PTPRZ1: variants seen among roughly 807,000 people sequenced by gnomAD.
PTPRZ1 encodes receptor-type tyrosine-protein phosphatase zeta.
A neutral mutation model predicts 214.1 loss-of-function variants in PTPRZ1; 82 were observed. The ratio of observed to expected loss-of-function variants is 0.38; its 90% confidence interval spans 0.32 to 0.46. PTPRZ1 has a LOEUF of 0.46. PTPRZ1 is among the 20% of genes least tolerant of loss of function. The pLI is 1.00. For synonymous variants in PTPRZ1, 945 were observed against 987.9 expected (o/e 0.96, Z 0.81); for missense variants, 2,603 against 2,748.7 (o/e 0.95, Z 1.19).
At chr7:121,983,054 A>G (rs1797660626) in intron 6 of PTPRZ1, among the ~76,000 whole-genome samples, 1 of 152,122 alleles carries the variant, frequency 6.6e-6, no homozygotes. Context: ...GTGAGCCACC[A>G]CGCCCGGCCT....
At position 122,034,082 on chromosome 7, in the gene PTPRZ1, A is replaced by T. The variant is rs1799464737; in HGVS notation, c.5167-13A>T. ...TGATTTCTTTACTTTTTTGGCATTC[A>T]TTCCCTCATTAGACACTGAAAGAGT... On this transcript the variant is annotated splice_polypyrimidine_tract_variant and intron_variant, in intron 15 of 29. Transcript: ENST00000393386. 6.3e-7 allele frequency: 1 copy of T among 1,586,922 alleles called. No individual in the cohort carries two copies. The highest frequency in any genetic ancestry group is 8.6e-7 in the Non-Finnish European group (1 of 1,157,148).
chr7:121,967,162 C>T (rs967497164), intron 2 of PTPRZ1: 1 of 152,198 alleles, frequency 6.6e-6, no homozygotes, highest in Admixed American at 6.5e-5. Flanking sequence ...ATAAAGGCAA[C>T]AAAGGGCAGT....
At chr7:121,878,437 ATTGT>A (rs1794129041) in intron 1 of PTPRZ1, among the ~76,000 whole-genome samples, 1 of 152,180 alleles carries the variant, frequency 6.6e-6, no homozygotes, top group African/African-American at 2.4e-5. Context: ...AGTCATTGAA[ATTGT>A]TTGAAGTGTT....
In PTPRZ1 at chr7:122,013,794, C is replaced by T. The variant is rs1798761169; in HGVS notation, c.4748C>T (p.Ala1583Val). 1.2e-6 allele frequency: 2 copies of T among 1,614,084 alleles called. No homozygotes were observed. Among genetic ancestry groups the T allele is most frequent in the Non-Finnish European group, 1.7e-6 (2 of 1,179,946 alleles). ...GAAAAAGATGCTGATGGGATCCTGG[C>T]AGCAGGTGACTCAGAAATAACTCCT... ...TNEKDADGIL[A>V]AGDSEITPGF... The change falls in exon 12 of 30, where the codon GCA (alanine) becomes GTA (valine). Residue 1583 changes from alanine (A) to valine (V), a missense_variant. Physicochemically the swap from Ala to Val is moderately conservative, Grantham distance 64. Around this residue, in one of 6 missense-constraint regions of PTPRZ1, gnomAD observed 1,913 missense variants for 1,914.3 expected, o/e 1.00. Coordinates refer to ENST00000393386, the MANE Select transcript of PTPRZ1 (RefSeq NM_002851.3).
In PTPRZ1 at chr7:121,888,298, A is replaced by T. The variant is rs539023524; in HGVS notation, c.58+14741A>T. ...GACATTGTTTAGAGTATAGATGAAGACTCCCCAGTAAGACATGTAAAACAG... is the reference window on the plus strand; with the variant it reads ...GACATTGTTTAGAGTATAGATGAAGTCTCCCCAGTAAGACATGTAAAACAG... On this transcript the variant is annotated intron_variant, in intron 1 of 29. Coordinates refer to ENST00000393386, the MANE Select transcript of PTPRZ1 (RefSeq NM_002851.3). Among the ~76,000 whole-genome samples the T allele has an allele frequency of 9.2e-5, 14 of 151,678 alleles. No individual in the cohort carries two copies. In the South Asian group the frequency reaches 2.7e-3, roughly 29 times the overall value.
At chr7:121,948,273 A>G (rs1796446463) in intron 2 of PTPRZ1, among the ~76,000 whole-genome samples, 1 of 152,108 alleles carries the variant, frequency 6.6e-6, no homozygotes, top group African/African-American at 2.4e-5. Context: ...GAAAAAGACC[A>G]AAAAAAGCAA....
At chr7:122,016,766 A>G (rs1437019583) in intron 12 of PTPRZ1, among the ~76,000 whole-genome samples, 1 of 150,978 alleles carries the variant, frequency 6.6e-6, no homozygotes, top group African/African-American at 2.4e-5. Context: ...ATATGTAATT[A>G]TATATATATA....
intron 1 of PTPRZ1, among the ~76,000 whole-genome samples, chr7:121,908,117 G>A (rs1795169723): frequency 6.6e-6 from 1 of 152,068 alleles, no homozygotes; most frequent in Non-Finnish European, 1.5e-5. Context: ...AGAGGAAGAG[G>A]ATACCATGTT....
chr7:122,033,841 C>T, intron 15 of PTPRZ1: 1 of 465,562 alleles, frequency 2.1e-6, no homozygotes, highest in Non-Finnish European at 3.8e-6. Flanking sequence ...TTAAAATCAT[C>T]ATATTATGAC....
chr7:121,909,204 T>A (rs1305419262), intron 1 of PTPRZ1, among the ~76,000 whole-genome samples: 1 of 152,176 alleles, frequency 6.6e-6, no homozygotes, highest in African/African-American at 2.4e-5. Context: ...TGTGACTCTT[T>A]TTTCAGAAGC....
intron 1 of PTPRZ1, among the ~76,000 whole-genome samples, chr7:121,876,878 T>A (rs1189380039): frequency 6.6e-6 from 1 of 152,150 alleles, no homozygotes; most frequent in Non-Finnish European, 1.5e-5. Context: ...CTGGCAAAAA[T>A]TCAGGTTTTT....
At chr7:122,005,700 G>A (rs910751090) in intron 11 of PTPRZ1, among the ~76,000 whole-genome samples, 1 of 151,806 alleles carries the variant, frequency 6.6e-6, no homozygotes, top group Non-Finnish European at 1.5e-5. Flanking sequence ...AGTCAAAAAA[G>A]AAATTATATT....
intron 11 of PTPRZ1, among the ~76,000 whole-genome samples, chr7:122,008,260 G>A (rs950184586): frequency 5.9e-5 from 9 of 152,098 alleles, no homozygotes; most frequent in Non-Finnish European, 1.3e-4. Context: ...TATCTTTGGG[G>A]AACTTTTGCT....
At chr7:122,005,998 C>T (rs988780878) in intron 11 of PTPRZ1, among the ~76,000 whole-genome samples, 5 of 151,944 alleles carry the variant, frequency 3.3e-5, no homozygotes, top group Non-Finnish European at 7.4e-5. Context: ...TTACCATAAG[C>T]CTACAAAAGT....
intron 10 of PTPRZ1, among the ~76,000 whole-genome samples, chr7:121,998,507 G>A (rs182972143): frequency 6.6e-6 from 1 of 152,144 alleles, no homozygotes. Context: ...GGAGTGGGGT[G>A]TTTTCCTCTT....
chr7:121,947,789 T>C (rs889868426), intron 2 of PTPRZ1, among the ~76,000 whole-genome samples: 5 of 152,190 alleles, frequency 3.3e-5, no homozygotes, highest in Non-Finnish European at 2.9e-5. Context: ...CAGACTAAAT[T>C]AAATAGATCT....
At chr7:121,882,450 G>C (rs1173771622) in intron 1 of PTPRZ1, among the ~76,000 whole-genome samples, 1 of 152,192 alleles carries the variant, frequency 6.6e-6, no homozygotes, top group African/African-American at 2.4e-5. Flanking sequence ...AGGCATCAGA[G>C]GGATTAAGGT....
chr7:122,046,239 G>C (rs933168079), intron 23 of PTPRZ1, among the ~76,000 whole-genome samples: 5 of 151,950 alleles, frequency 3.3e-5, no homozygotes, highest in African/African-American at 1.2e-4. Flanking sequence ...AACAGAGCAA[G>C]ACCCTGTCTC....
intron 1 of PTPRZ1, among the ~76,000 whole-genome samples, chr7:121,874,065 C>CACA (rs1554421850): frequency 6.6e-6 from 1 of 151,312 alleles, no homozygotes; most frequent in East Asian, 1.9e-4. Flanking sequence ...CACACACACA[C>CACA]CTGAAAGGTA....
Sources: gnomAD v4.1 joint callset for allele counts (sites outside exome capture counted in the v4.1 genomes callset) on GRCh38, gnomAD v4.1.1 for gene constraint, gnomAD v4.1.1 regional missense constraint, MANE v1.5 for transcripts, NCBI Gene and HGNC (gene_info 2026-07-23, HGNC 2026-07-21) for gene names.